KCNN2: variants seen among roughly 807,000 people sequenced by gnomAD.
KCNN2 encodes the protein potassium calcium-activated channel subfamily N member 2, also known as small conductance calcium-activated potassium channel protein 2.
Under a neutral mutation model 55.5 loss-of-function variants are expected in KCNN2, and 24 were observed. The observed-to-expected ratio is 0.43, with a 90% CI of 0.31 to 0.61. The LOEUF (loss-of-function observed/expected upper bound fraction) is 0.61. Ranked by LOEUF, KCNN2 falls within the 20% of genes least tolerant of loss-of-function variation. KCNN2 has a pLI of 0.08. For missense variants in KCNN2, 754 were observed against 853.6 expected (o/e 0.88, Z 1.45); for synonymous variants, 431 against 336.1 (o/e 1.28, Z -3.09).
chr5:114,195,626 A>G (rs142501342), intron 1 of KCNN2, among the ~76,000 whole-genome samples: 17 of 152,090 alleles, frequency 1.1e-4, no homozygotes, highest in African/African-American at 4.1e-4. Context: ...TCACCTATGA[A>G]GAGAGATAGT....
At chr5:114,455,053 T>C (rs1760859673) in intron 3 of KCNN2, among the ~76,000 whole-genome samples, 1 of 152,140 alleles carries the variant, frequency 6.6e-6, no homozygotes, top group African/African-American at 2.4e-5. Context: ...CTATCCTTTA[T>C]TGAGTTATCA....
At chr5:114,306,278 T>C (rs560059347) in intron 2 of KCNN2, among the ~76,000 whole-genome samples, 1 of 152,210 alleles carries the variant, frequency 6.6e-6, no homozygotes, top group Non-Finnish European at 1.5e-5. Context: ...GATAGCACAT[T>C]CAGCACAGCA....
chr5:114,288,342 A>G (rs1337124406), intron 2 of KCNN2, among the ~76,000 whole-genome samples: 1 of 152,194 alleles, frequency 6.6e-6, no homozygotes, highest in Non-Finnish European at 1.5e-5. Flanking sequence ...TTTTAAGTAT[A>G]TACTCAGTAG....
intron 2 of KCNN2, among the ~76,000 whole-genome samples, chr5:114,395,790 C>T (rs755846759): frequency 1.3e-5 from 2 of 152,156 alleles, no homozygotes; most frequent in Admixed American, 6.5e-5. Flanking sequence ...TTCTTTCCTT[C>T]CTGCTTCACT....
At chr5:114,339,814 C>CAAACAAATAAAT (rs1554082213) in intron 2 of KCNN2, among the ~76,000 whole-genome samples, 57 of 147,256 alleles carry the variant, frequency 3.9e-4, no homozygotes, top group African/African-American at 9.2e-4. Flanking sequence ...AACAAACAAA[C>CAAACAAATAAAT]AAATAAATAA....
In KCNN2 at chr5:114,241,803, T is replaced by C. The variant is rs1484060261; in HGVS notation, c.-185+20238T>C. 3.4e-4 allele frequency among the ~76,000 whole-genome samples: 12 copies of C among 35,192 alleles called. 4 individuals are homozygous for C. Among genetic ancestry groups the C allele is most frequent in the African/African-American group, 1.2e-3 (12 of 10,246 alleles). The allele number at this position is 35,192 out of a possible 152,430, so 23.1% of individuals were successfully genotyped here. Reference sequence around the variant, plus strand: ...ATATACGTATATATATGTATATATATACGTATATATATATATGTGTGTATA... The same window carrying C: ...ATATACGTATATATATGTATATATACACGTATATATATATATGTGTGTATA... On this transcript the variant is annotated intron_variant, in intron 2 of 10. Transcript: ENST00000512097.
chr5:114,395,497 A>T (rs1043389186), intron 2 of KCNN2, among the ~76,000 whole-genome samples: 3 of 152,186 alleles, frequency 2.0e-5, no homozygotes, highest in African/African-American at 7.2e-5. Context: ...ATTGAAAATG[A>T]ATATAGAAGA....
chr5:114,342,924 G>C (rs1344951255), intron 2 of KCNN2, among the ~76,000 whole-genome samples: 4 of 152,134 alleles, frequency 2.6e-5, no homozygotes, highest in Non-Finnish European at 5.9e-5. Context: ...CGCATGCCAT[G>C]GTGGTTTGCC....
chr5:114,298,059 A>G (rs951460813), intron 2 of KCNN2, among the ~76,000 whole-genome samples: 1 of 152,230 alleles, frequency 6.6e-6, no homozygotes, highest in Admixed American at 6.5e-5. Flanking sequence ...GAGTTAGTGT[A>G]TGTCAATTGC....
At chr5:114,326,161 T>G (rs1314336662) in intron 2 of KCNN2, among the ~76,000 whole-genome samples, 1 of 151,756 alleles carries the variant, frequency 6.6e-6, no homozygotes, top group Non-Finnish European at 1.5e-5. Context: ...TGTGAAGGAG[T>G]GGGAGTTTGA....
At chr5:114,337,900 T>C (rs2150035453) in intron 2 of KCNN2, among the ~76,000 whole-genome samples, 1 of 152,330 alleles carries the variant, frequency 6.6e-6, no homozygotes, top group Admixed American at 6.5e-5. Flanking sequence ...CAAAAAACCA[T>C]AATGCTATAT....
chr5:114,434,230 A>AT (rs149159021), intron 3 of KCNN2, among the ~76,000 whole-genome samples: 11,262 of 150,562 alleles, frequency 0.075, 527 homozygotes, highest in Non-Finnish European at 0.099. Context: ...AAGCTCAGAG[A>AT]TTTTTTTTTC....
chr5:114,416,169 G>A (rs1462375410), intron 3 of KCNN2, among the ~76,000 whole-genome samples: 2 of 152,046 alleles, frequency 1.3e-5, no homozygotes, highest in Non-Finnish European at 2.9e-5. Context: ...TAGTAGCTGC[G>A]AAAAATGAAG....
intron 2 of KCNN2, among the ~76,000 whole-genome samples, chr5:114,271,277 C>T (rs768019926): frequency 5.3e-5 from 8 of 152,124 alleles, no homozygotes; most frequent in East Asian, 1.9e-4. Flanking sequence ...GGTCCCCACC[C>T]GATTAGCTAG....
chr5:114,159,956 T>C (rs1752729727), intron 1 of KCNN2, among the ~76,000 whole-genome samples: 1 of 152,198 alleles, frequency 6.6e-6, no homozygotes, highest in East Asian at 1.9e-4. Flanking sequence ...AAAAACCAGC[T>C]CCTGGATTCA....
intron 4 of KCNN2, among the ~76,000 whole-genome samples, chr5:114,468,143 A>G (rs992658903): frequency 6.6e-6 from 1 of 152,154 alleles, no homozygotes; most frequent in African/African-American, 2.4e-5. Context: ...ATTTGAAGAC[A>G]CTTAGAGGGC....
intron 5 of KCNN2, among the ~76,000 whole-genome samples, chr5:114,484,020 T>A (rs1173958838): frequency 6.6e-6 from 1 of 152,168 alleles, no homozygotes; most frequent in African/African-American, 2.4e-5. Context: ...ATTATATGAA[T>A]CTGTATACCC....
chr5:114,460,540 G>A (rs1287885704), intron 3 of KCNN2, among the ~76,000 whole-genome samples: 2 of 152,112 alleles, frequency 1.3e-5, no homozygotes, highest in East Asian at 1.9e-4. Flanking sequence ...CACCACACCT[G>A]GCTGGCCTAG....
chr5:114,361,547 C>T (rs1045096988), upstream of KCNN2, among the ~76,000 whole-genome samples: 3 of 152,194 alleles, frequency 2.0e-5, no homozygotes, highest in African/African-American at 7.2e-5. Flanking sequence ...GCGGGATGAT[C>T]TGGGAGAAGC....
Sources: allele counts gnomAD v4.1 joint callset (sites outside exome capture counted in the v4.1 genomes callset), GRCh38; gene constraint gnomAD v4.1.1; transcripts MANE v1.5; gene names NCBI Gene and HGNC (gene_info 2026-07-23, HGNC 2026-07-21).